FBP1: variants seen among roughly 807,000 people sequenced by gnomAD.
The protein encoded by FBP1 is fructose-1,6-bisphosphatase 1.
A neutral mutation model predicts 29.9 loss-of-function variants in FBP1; 22 were observed. That is an observed-to-expected ratio of 0.74 (90% confidence interval 0.53 to 1.05). FBP1 has a LOEUF of 1.05. Among genes scored for constraint, FBP1 ranks in the 50% least tolerant of loss-of-function variants. FBP1 has a pLI of 0.00. For missense variants in FBP1, 345 were observed against 448.2 expected (o/e 0.77, Z 2.08); for synonymous variants, 175 against 178.6 (o/e 0.98, Z 0.16).
chr9:94,639,092 C>T lies in FBP1; in HGVS notation c.170+49G>A, dbSNP rs763010941. ...CCAACGTCAGCCCGCCGGGCAGGCT[C>T]CCCAGGCAGACAGACAGGACGGGGC... On this transcript the variant is annotated intron_variant, in intron 1 of 6. Transcript: ENST00000375326. 49 of 1,549,312 alleles carry T rather than the reference C, an allele frequency of 3.2e-5. 1 individual carries two copies. The South Asian group carries it at 4.1e-4, about 13-fold the overall frequency.
At chr9:94,632,221 G>A (rs891625585) in intron 1 of FBP1, among the ~76,000 whole-genome samples, 3 of 152,116 alleles carry the variant, frequency 2.0e-5, no homozygotes, top group Non-Finnish European at 2.9e-5. Context: ...GACATAATAT[G>A]AGTCTGATGG....
At chr9:94,615,110 G>C (rs553601805) in intron 3 of FBP1, among the ~76,000 whole-genome samples, 1 of 152,050 alleles carries the variant, frequency 6.6e-6, no homozygotes. Context: ...GGGTTTCACC[G>C]TGTTAGCCAG....
intron 3 of FBP1, among the ~76,000 whole-genome samples, chr9:94,613,998 G>A (rs570598534): frequency 1.1e-3 from 164 of 147,010 alleles, no homozygotes; most frequent in African/African-American, 3.8e-3. Context: ...GGAGAATGGC[G>A]TGAACCCGGG....
intron 1 of FBP1, among the ~76,000 whole-genome samples, chr9:94,637,052 T>C (rs1295353222): frequency 6.6e-6 from 1 of 152,186 alleles, no homozygotes; most frequent in Non-Finnish European, 1.5e-5. Flanking sequence ...GTGAGCCACC[T>C]ATACTAGCTG....
intron 2 of FBP1, among the ~76,000 whole-genome samples, chr9:94,619,920 A>G (rs1393398904): frequency 6.7e-6 from 1 of 149,880 alleles, no homozygotes; most frequent in African/African-American, 2.5e-5. Flanking sequence ...AGACAGACCA[A>G]TAGGGACTCC....
chr9:94,636,587 C>T (rs1828193842), intron 1 of FBP1, among the ~76,000 whole-genome samples: 1 of 152,032 alleles, frequency 6.6e-6, no homozygotes, highest in South Asian at 2.1e-4. Context: ...TCTAAGGTTA[C>T]TTAGACAGTG....
intron 1 of FBP1, among the ~76,000 whole-genome samples, chr9:94,622,103 G>C (rs571026796): frequency 6.6e-6 from 1 of 152,172 alleles, no homozygotes; most frequent in Admixed American, 6.5e-5. Flanking sequence ...GAAGTTGCAG[G>C]GATCCTGGAG....
intron 1 of FBP1, among the ~76,000 whole-genome samples, chr9:94,629,245 G>A (rs770259065): frequency 6.6e-6 from 1 of 152,184 alleles, no homozygotes; most frequent in Non-Finnish European, 1.5e-5. Context: ...CTCCCAAAGT[G>A]CTGGGATTAC....
chr9:94,621,304 G>A (rs1207374033), intron 1 of FBP1, among the ~76,000 whole-genome samples: 3 of 151,422 alleles, frequency 2.0e-5, no homozygotes, highest in Non-Finnish European at 2.9e-5. Flanking sequence ...GCTGAGGCAG[G>A]AGAATGGCGT....
chr9:94,639,442 C>T lies in FBP1; in HGVS notation c.-132G>A. 1.9e-6 allele frequency: 2 copies of T among 1,054,744 alleles called. No individual in the cohort carries two copies. The highest frequency in any genetic ancestry group is 2.8e-6 in the Non-Finnish European group (2 of 705,926). 65.3% of individuals were successfully genotyped at this position (1,054,744 alleles called of 1,614,324 possible). ...GCAGGTGCGGGCGGCAGGTGCGGGC[C>T]GCGGGACCTGGCGGGAGGACTGACA... On this transcript the variant is annotated 5_prime_UTR_variant, in exon 1 of 7. Transcript: ENST00000375326.
chr9:94,615,482 G>C (rs1249312475), intron 3 of FBP1, among the ~76,000 whole-genome samples: 1 of 152,178 alleles, frequency 6.6e-6, no homozygotes, highest in Non-Finnish European at 1.5e-5. Context: ...CTGCAAGGAA[G>C]AATTTTGCTA....
At chr9:94,629,684 C>A (rs1057430837) in intron 1 of FBP1, among the ~76,000 whole-genome samples, 1 of 152,164 alleles carries the variant, frequency 6.6e-6, no homozygotes, top group African/African-American at 2.4e-5. Flanking sequence ...TCAACCCCCA[C>A]CAAGAGAGGA....
intron 1 of FBP1, among the ~76,000 whole-genome samples, chr9:94,632,159 T>C (rs1331176676): frequency 6.6e-6 from 1 of 152,166 alleles, no homozygotes; most frequent in Non-Finnish European, 1.5e-5. Context: ...CTCTTTATTA[T>C]TTCTTCTGTC....
chr9:94,631,806 T>C (rs1294038085), intron 1 of FBP1, among the ~76,000 whole-genome samples: 1 of 152,188 alleles, frequency 6.6e-6, no homozygotes, highest in African/African-American at 2.4e-5. Context: ...TTGTTACTGC[T>C]TGATTCCATG....
intron 6 of FBP1, 46 bp downstream of exon 6, chr9:94,605,411 G>A (rs959694725): frequency 1.9e-6 from 3 of 1,604,686 alleles, no homozygotes; most frequent in Non-Finnish European, 2.6e-6. Context: ...CGCGTGGGCT[G>A]CAAGTGAAAT....
At chr9:94,618,455 TAAAAAAAAAAAA>T (rs59806476) in intron 2 of FBP1, among the ~76,000 whole-genome samples, 1,458 of 74,608 alleles carry the variant, frequency 0.02, 48 homozygotes, top group African/African-American at 0.068. Flanking sequence ...ACTCCTTCTG[TAAAAAAAAAAAA>T]AAAAAAAAAA....
chr9:94,619,871 T>C (rs1827918030), intron 2 of FBP1, among the ~76,000 whole-genome samples: 1 of 57,190 alleles, frequency 1.7e-5, no homozygotes, highest in Admixed American at 3.1e-4. Context: ...CAAAACACTG[T>C]CTCAAAAAAA....
In FBP1 at chr9:94,633,427, C is replaced by T. The variant is rs117085549; in HGVS notation, c.170+5714G>A. The stretch of plus-strand genomic sequence containing the variant: ...TCCTTGATCTCTCCTTTTCTATACC[C>T]CCAAAAGTGTAAAGTGTTCACCCTT... On this transcript the variant is annotated intron_variant, in intron 1 of 6. Coordinates refer to ENST00000375326, the MANE Select transcript of FBP1 (RefSeq NM_000507.4). Among the ~76,000 whole-genome samples, 1,221 of 152,324 alleles carry T rather than the reference C, an allele frequency of 8.0e-3. 9 individuals are homozygous for T. The highest frequency in any genetic ancestry group is 0.014 in the Non-Finnish European group (970 of 68,034).
At chr9:94,609,341 G>A (rs1381203591) in intron 4 of FBP1, among the ~76,000 whole-genome samples, 1 of 152,174 alleles carries the variant, frequency 6.6e-6, no homozygotes, top group African/African-American at 2.4e-5. Context: ...ACAGCCTTTT[G>A]GTGACTAAAG....
Sources: gnomAD v4.1 joint callset for allele counts (sites outside exome capture counted in the v4.1 genomes callset) on GRCh38, gnomAD v4.1.1 for gene constraint, MANE v1.5 for transcripts, NCBI Gene and HGNC (gene_info 2026-07-23, HGNC 2026-07-21) for gene names.